Variants in RUNX1 observed in about 807,000 individuals in gnomAD.
RUNX1 encodes runt-related transcription factor 1.
RUNX1 carries 19 observed loss-of-function variants against 42.8 expected under a neutral mutation model. That is an observed-to-expected ratio of 0.44 (90% CI 0.31 to 0.65). RUNX1 has a LOEUF of 0.65. Ranked by LOEUF, RUNX1 falls within the 30% of genes least tolerant of loss-of-function variation. The pLI is 0.07. For synonymous variants in RUNX1, 271 were observed against 289.4 expected (o/e 0.94, Z 0.64); for missense variants, 528 against 672.0 (o/e 0.79, Z 2.37).
At chr21:35,012,793 C>T (rs1005283250) in intron 2 of RUNX1, among the ~76,000 whole-genome samples, 2 of 151,738 alleles carry the variant, frequency 1.3e-5, no homozygotes, top group African/African-American at 4.8e-5. Flanking sequence ...AAAGTGTTCT[C>T]GGTGAAAACC....
intron 2 of RUNX1, among the ~76,000 whole-genome samples, chr21:34,978,840 C>T (rs2058823262): frequency 6.6e-6 from 1 of 151,898 alleles, no homozygotes; most frequent in South Asian, 2.1e-4. Context: ...GATACTGAAG[C>T]ATGTTTTCCT....
intron 2 of RUNX1, among the ~76,000 whole-genome samples, chr21:34,990,664 C>T (rs2409563): frequency 0.25 from 37,557 of 150,992 alleles, 6,813 homozygotes; most frequent in African/African-American, 0.51. Context: ...TTTTTTGAGA[C>T]GGAGTTTCAC....
intron 3 of RUNX1, 165 bp from the exon 4 acceptor site, chr21:34,887,261 TTA>T: frequency 1.0e-6 from 1 of 1,001,166 alleles, no homozygotes; most frequent in Non-Finnish European, 1.2e-6. Context: ...GCGGGGGTGG[TTA>T]GGGGAGGAGG....
chr21:34,823,612 T>G (rs1265317124), intron 7 of RUNX1, among the ~76,000 whole-genome samples: 1 of 151,954 alleles, frequency 6.6e-6, no homozygotes, highest in Non-Finnish European at 1.5e-5. Context: ...CCCAGCTGAT[T>G]TTTGTATTTT....
intron 2 of RUNX1, among the ~76,000 whole-genome samples, chr21:35,001,904 A>C (rs934856679): frequency 9.9e-5 from 15 of 152,194 alleles, no homozygotes; most frequent in African/African-American, 3.6e-4. Flanking sequence ...AACATTGAAA[A>C]GAACAAAATA....
rs1014566906 is a variant in RUNX1, at chr21:34,792,202, T to G, written c.1376A>C (p.His459Pro). The G allele has an allele frequency of 6.5e-7, 1 of 1,538,122 alleles. No homozygotes were observed. Among genetic ancestry groups the G allele is most frequent in the African/African-American group, 1.4e-5 (1 of 73,102 alleles). Residue 459 changes from histidine to proline, a missense_variant, in exon 9 of 9, where the codon CAC becomes CCC. Physicochemically the swap from His to Pro is moderately conservative, Grantham distance 77. This residue lies in a region of RUNX1 where 331 missense variants were observed against 382.5 expected (regional missense o/e 0.87). Coordinates refer to ENST00000675419, the MANE Select transcript of RUNX1 (RefSeq NM_001754.5). This position sits in a 1 kb window ranked among gnomAD's most constrained non-coding sequence, Gnocchi z 6.9. ...QSDVVEAEGSHSNSPTNMAPS... is the reference protein window; with the variant it reads ...QSDVVEAEGSPSNSPTNMAPS... ...CGCCATGTTGGTGGGGGAGTTGCTG[T>G]GGCTGCCCTCGGCCTCCACCACGTC...
At chr21:34,867,901 G>T (rs529553567) in intron 5 of RUNX1, among the ~76,000 whole-genome samples, 54 of 152,238 alleles carry the variant, frequency 3.5e-4, no homozygotes, top group African/African-American at 1.3e-3. Context: ...TTGGGCTGGG[G>T]TCACACAGGG....
At chr21:34,913,718 G>A (rs1218893289) in intron 2 of RUNX1, among the ~76,000 whole-genome samples, 3 of 152,094 alleles carry the variant, frequency 2.0e-5, no homozygotes, top group South Asian at 2.1e-4. Context: ...ACTTTTAATT[G>A]CTTCTTAAAA....
chr21:34,892,081 C>CA (rs1322816026), intron 3 of RUNX1, among the ~76,000 whole-genome samples: 1 of 152,122 alleles, frequency 6.6e-6, no homozygotes, highest in Non-Finnish European at 1.5e-5. Flanking sequence ...AATATATTTC[C>CA]AAAATCACAT....
intron 2 of RUNX1, among the ~76,000 whole-genome samples, chr21:35,018,441 T>G (rs2059175169): frequency 6.6e-6 from 1 of 152,208 alleles, no homozygotes; most frequent in East Asian, 1.9e-4. Flanking sequence ...GATCCCAGAC[T>G]TCCAGTCTCC....
At chr21:34,825,518 A>G (rs2056974199) in intron 7 of RUNX1, among the ~76,000 whole-genome samples, 1 of 152,210 alleles carries the variant, frequency 6.6e-6, no homozygotes, top group East Asian at 1.9e-4. Flanking sequence ...GACTGAGGTT[A>G]TAGTAACACG....
chr21:34,830,972 T>C (rs1365160371), intron 7 of RUNX1, among the ~76,000 whole-genome samples: 1 of 152,182 alleles, frequency 6.6e-6, no homozygotes, highest in Non-Finnish European at 1.5e-5. Flanking sequence ...ACCTTAAATG[T>C]GATACATCAT....
At chr21:34,887,833 G>A (rs1371312222) in intron 3 of RUNX1, 5 of 1,064,662 alleles carry the variant, frequency 4.7e-6, no homozygotes, top group East Asian at 5.0e-5. Context: ...TCAGTAGTTG[G>A]AGCAGTGCTG....
chr21:34,864,068 T>G (rs1010756591), intron 5 of RUNX1, among the ~76,000 whole-genome samples: 1 of 152,214 alleles, frequency 6.6e-6, no homozygotes, highest in Non-Finnish European at 1.5e-5. Flanking sequence ...AGCAGAGCCT[T>G]GATACTGGGC....
intron 2 of RUNX1, among the ~76,000 whole-genome samples, chr21:35,043,231 A>C (rs1384412898): frequency 6.6e-6 from 1 of 152,142 alleles, no homozygotes; most frequent in Non-Finnish European, 1.5e-5. Context: ...CATCCTAGTT[A>C]TTATATTTTA....
intron 2 of RUNX1, among the ~76,000 whole-genome samples, chr21:34,920,320 G>C (rs1042412023): frequency 2.0e-5 from 3 of 152,058 alleles, no homozygotes; most frequent in African/African-American, 7.2e-5. Flanking sequence ...GGCAAATTAT[G>C]GCCATTATTA....
At chr21:34,888,526 G>C in intron 3 of RUNX1, 11 of 1,065,426 alleles carry the variant, frequency 1.0e-5, no homozygotes, top group African/African-American at 1.6e-5. Flanking sequence ...AACAAAAAAA[G>C]GAAGGTCCAA....
At chr21:34,966,829 T>C (rs1268943319) in intron 2 of RUNX1, among the ~76,000 whole-genome samples, 1 of 152,198 alleles carries the variant, frequency 6.6e-6, no homozygotes, top group Non-Finnish European at 1.5e-5. Context: ...CGATTTTCAC[T>C]TTTTATGGTG....
intron 2 of RUNX1, among the ~76,000 whole-genome samples, chr21:35,026,376 A>G (rs998720290): frequency 2.0e-5 from 3 of 152,176 alleles, no homozygotes; most frequent in Non-Finnish European, 4.4e-5. Flanking sequence ...GGGAAGATTG[A>G]TAATTAGTTA....
Sources: allele counts gnomAD v4.1 joint callset (sites outside exome capture counted in the v4.1 genomes callset), GRCh38; gene constraint gnomAD v4.1.1; regional missense constraint gnomAD v4.1.1; non-coding constraint Gnocchi (gnomAD v3.1); transcripts MANE v1.5; gene names NCBI Gene and HGNC (gene_info 2026-07-23, HGNC 2026-07-21).